The following CARMIL1 variants were observed in gnomAD, a reference collection of about 807,000 sequenced individuals.
CARMIL1 encodes the protein F-actin-uncapping protein LRRC16A.
A neutral mutation model predicts 177.1 loss-of-function variants in CARMIL1; 90 were observed. That is an observed-to-expected ratio of 0.51 (90% confidence interval 0.43 to 0.61). CARMIL1 has a LOEUF of 0.61. Among genes scored for constraint, CARMIL1 ranks in the 20% least tolerant of loss-of-function variants. The pLI is 0.00. For missense variants in CARMIL1, 1,380 were observed against 1,667.0 expected (o/e 0.83, Z 3.00); for synonymous variants, 577 against 606.2 (o/e 0.95, Z 0.71).
intron 4 of CARMIL1, among the ~76,000 whole-genome samples, chr6:25,431,543 G>T (rs56124105): frequency 0.021 from 3,264 of 152,012 alleles, 51 homozygotes; most frequent in Middle Eastern, 0.051. Context: ...CATAACAAGG[G>T]TCTTCTCGGT....
At chr6:25,384,342 C>T (rs1791927083) in intron 2 of CARMIL1, among the ~76,000 whole-genome samples, 1 of 152,208 alleles carries the variant, frequency 6.6e-6, no homozygotes, top group Non-Finnish European at 1.5e-5. Context: ...CCTCTGTGGC[C>T]ACCAATAGCC....
At chr6:25,453,584 G>A (rs144116802) in intron 8 of CARMIL1, among the ~76,000 whole-genome samples, 1 of 152,268 alleles carries the variant, frequency 6.6e-6, no homozygotes, top group East Asian at 1.9e-4. Context: ...CTTCACTGAG[G>A]ACATTCTAAA....
At chr6:25,578,781 G>C (rs1028758433) in intron 29 of CARMIL1, among the ~76,000 whole-genome samples, 1 of 152,144 alleles carries the variant, frequency 6.6e-6, no homozygotes, top group Non-Finnish European at 1.5e-5. Context: ...AGATTTATGG[G>C]AAATGTAATT....
chr6:25,295,925 T>A lies in CARMIL1; in HGVS notation c.138+11016T>A, dbSNP rs574619379. Among the ~76,000 whole-genome samples the A allele has an allele frequency of 5.3e-5, 8 of 152,356 alleles. No homozygotes were observed. The East Asian group carries it at 1.5e-3, about 29-fold the overall frequency. Reference sequence around the variant, plus strand: ...GCCCTTGTCGTGGGACTTTCTTACCTTGGGCCTTTGAATGCTCTCATAAAT... The same window carrying A: ...GCCCTTGTCGTGGGACTTTCTTACCATGGGCCTTTGAATGCTCTCATAAAT... On this transcript the variant is annotated intron_variant, in intron 2 of 36. Coordinates refer to ENST00000329474, the MANE Select transcript of CARMIL1 (RefSeq NM_017640.6).
At position 25,402,123 on chromosome 6, in the gene CARMIL1, C is replaced by T. The variant is rs1581815682; in HGVS notation, c.139-17991C>T. Among the ~76,000 whole-genome samples, 3 of 151,164 alleles carry T rather than the reference C, an allele frequency of 2.0e-5. No homozygotes were observed. The East Asian group carries it at 5.8e-4, about 29-fold the overall frequency. ...TCTTTTTCTGCCTTGATTTCCTCAA[C>T]TAAAAAATGGTTAAACTAATACCAG... On this transcript the variant is annotated intron_variant, in intron 2 of 36. Coordinates refer to ENST00000329474, the MANE Select transcript of CARMIL1 (RefSeq NM_017640.6).
intron 31 of CARMIL1, among the ~76,000 whole-genome samples, chr6:25,591,779 C>T (rs1814324244): frequency 6.6e-6 from 1 of 152,222 alleles, no homozygotes; most frequent in Non-Finnish European, 1.5e-5. Context: ...CTGGACTTCT[C>T]TTAATCTTTC....
Position 25,540,093 on chromosome 6 carries a change from T to C in CARMIL1, c.2328+15T>C, listed in dbSNP as rs1808741575. 1 of 1,573,622 alleles carries C rather than the reference T, an allele frequency of 6.4e-7. No individual in the cohort carries two copies. Among genetic ancestry groups the C allele is most frequent in the Non-Finnish European group, 8.6e-7 (1 of 1,165,694 alleles). On this transcript the variant is annotated intron_variant, in intron 26 of 36. Coordinates refer to ENST00000329474, the MANE Select transcript of CARMIL1 (RefSeq NM_017640.6). ...AACAACTAAAGGTTTGTGGGGTTTGTTATTTGGGAAATGAAATTGTTAATA... is the reference window on the plus strand; with the variant it reads ...AACAACTAAAGGTTTGTGGGGTTTGCTATTTGGGAAATGAAATTGTTAATA...
chr6:25,550,444 A>G (rs764058899), intron 26 of CARMIL1, among the ~76,000 whole-genome samples: 2 of 152,116 alleles, frequency 1.3e-5, no homozygotes, highest in African/African-American at 2.4e-5. Context: ...TGATAGAGCA[A>G]TTGAATGGTT....
intron 32 of CARMIL1, among the ~76,000 whole-genome samples, chr6:25,596,294 G>A (rs182083902): frequency 4.1e-4 from 62 of 152,250 alleles, no homozygotes; most frequent in African/African-American, 1.5e-3. Flanking sequence ...TCTACTAAAA[G>A]TTGTGATTTG....
chr6:25,342,784 T>TC (rs1443484866), intron 2 of CARMIL1, among the ~76,000 whole-genome samples: 1 of 152,208 alleles, frequency 6.6e-6, no homozygotes, highest in Non-Finnish European at 1.5e-5. Context: ...GGCAAAGGAT[T>TC]CAACTACAGG....
intron 2 of CARMIL1, among the ~76,000 whole-genome samples, chr6:25,415,203 C>T (rs893955199): frequency 6.6e-6 from 1 of 151,772 alleles, no homozygotes; most frequent in African/African-American, 2.4e-5. Flanking sequence ...TGCTCTGTCA[C>T]CCAGGCTGGG....
intron 23 of CARMIL1, among the ~76,000 whole-genome samples, chr6:25,526,992 T>C (rs758718079): frequency 6.6e-6 from 1 of 152,234 alleles, no homozygotes; most frequent in Non-Finnish European, 1.5e-5. Flanking sequence ...CAATACTCAA[T>C]CTTAAAAACA....
intron 2 of CARMIL1, among the ~76,000 whole-genome samples, chr6:25,288,500 T>C: frequency 7.3e-6 from 1 of 136,920 alleles, no homozygotes; most frequent in African/African-American, 3.1e-5. Context: ...TTTTTTTCCG[T>C]ATGGAAAAAA....
intron 13 of CARMIL1, among the ~76,000 whole-genome samples, chr6:25,489,427 C>G (rs1802978352): frequency 1.3e-5 from 2 of 151,974 alleles, no homozygotes; most frequent in Non-Finnish European, 2.9e-5. Context: ...GCAAAAACTA[C>G]TCTCTCAATT....
chr6:25,534,577 T>A (rs967823173), intron 24 of CARMIL1, among the ~76,000 whole-genome samples: 2 of 152,104 alleles, frequency 1.3e-5, no homozygotes, highest in Non-Finnish European at 2.9e-5. Context: ...TTGGATAAAA[T>A]TTTTTTAAAA....
intron 15 of CARMIL1, among the ~76,000 whole-genome samples, chr6:25,494,883 A>C (rs1803549158): frequency 6.6e-6 from 1 of 152,226 alleles, no homozygotes; most frequent in Admixed American, 6.5e-5. Context: ...GGCTATGAAG[A>C]ATAGCAATGA....
intron 31 of CARMIL1, among the ~76,000 whole-genome samples, chr6:25,584,761 G>C (rs554683944): frequency 6.6e-6 from 1 of 152,256 alleles, no homozygotes; most frequent in East Asian, 1.9e-4. Flanking sequence ...CCTATAGGGA[G>C]GGCAGTTTCT....
intron 32 of CARMIL1, among the ~76,000 whole-genome samples, chr6:25,596,195 AG>A (rs1344006155): frequency 6.6e-6 from 1 of 152,184 alleles, no homozygotes; most frequent in Non-Finnish European, 1.5e-5. Flanking sequence ...TTTTTTATAA[AG>A]ATACTGCTCA....
chr6:25,397,109 A>G (rs1793473798), intron 2 of CARMIL1, among the ~76,000 whole-genome samples: 1 of 152,234 alleles, frequency 6.6e-6, no homozygotes, highest in Non-Finnish European at 1.5e-5. Flanking sequence ...TCCTGCCCTC[A>G]GGGGGCTAAA....
Sources: allele counts gnomAD v4.1 joint callset (sites outside exome capture counted in the v4.1 genomes callset), GRCh38; gene constraint gnomAD v4.1.1; transcripts MANE v1.5; gene names NCBI Gene and HGNC (gene_info 2026-07-23, HGNC 2026-07-21).